Variants in ADGRD1 observed in about 807,000 individuals in gnomAD.
The protein encoded by ADGRD1 is G-protein coupled receptor 133.
Under a neutral mutation model 113.4 loss-of-function variants are expected in ADGRD1, and 77 were observed. The ratio of observed to expected loss-of-function variants is 0.68; its 90% confidence interval spans 0.57 to 0.82. ADGRD1 has a LOEUF of 0.82. Ranked by LOEUF, ADGRD1 falls within the 40% of genes least tolerant of loss-of-function variation. ADGRD1 has a pLI of 0.00. For synonymous variants in ADGRD1, 474 were observed against 475.0 expected (o/e 1.00, Z 0.03); for missense variants, 1,036 against 1,139.1 (o/e 0.91, Z 1.30).
At position 131,032,598 on chromosome 12, in the gene ADGRD1, C is replaced by T. The variant is rs369038726; in HGVS notation, c.1473+18258C>T. ...TCCACGTGGTTGCTCACTGTGCTTC[C>T]TCCAGGGCCCCTCTGCTTCCTCTCC... is the stretch of plus-strand genomic sequence containing the variant. On this transcript the variant is annotated intron_variant, in intron 13 of 24. Coordinates refer to ENST00000261654, the MANE Select transcript of ADGRD1 (RefSeq NM_198827.5). Among the ~76,000 whole-genome samples the T allele has an allele frequency of 3.5e-4, 54 of 152,344 alleles. 1 individual carries two copies. In the South Asian group the frequency reaches 0.011, roughly 30 times the overall value.
chr12:131,123,946 C>CA (rs1950674225), intron 20 of ADGRD1, among the ~76,000 whole-genome samples: 1 of 152,218 alleles, frequency 6.6e-6, no homozygotes, highest in South Asian at 2.1e-4. Flanking sequence ...CATTGATTTG[C>CA]ACATTGTCTG....
At chr12:131,062,200 G>A (rs1260468817) in intron 13 of ADGRD1, among the ~76,000 whole-genome samples, 3 of 151,994 alleles carry the variant, frequency 2.0e-5, no homozygotes, top group African/African-American at 7.3e-5. Flanking sequence ...TTTCACTGTT[G>A]GCCAGGCTGG....
intron 15 of ADGRD1, among the ~76,000 whole-genome samples, chr12:131,090,098 T>TC (rs1343033761): frequency 6.6e-6 from 1 of 152,182 alleles, no homozygotes; most frequent in Non-Finnish European, 1.5e-5. Flanking sequence ...ACGGTCTCGA[T>TC]CCGTCACCGT....
intron 21 of ADGRD1, among the ~76,000 whole-genome samples, chr12:131,135,717 C>T (rs1422307982): frequency 2.6e-5 from 4 of 152,230 alleles, no homozygotes; most frequent in African/African-American, 9.6e-5. Flanking sequence ...CCTGGTTCCT[C>T]CTCATCTTTG....
At chr12:131,117,033 T>G (rs1210106483) in intron 18 of ADGRD1, among the ~76,000 whole-genome samples, 1 of 152,210 alleles carries the variant, frequency 6.6e-6, no homozygotes, top group Non-Finnish European at 1.5e-5. Context: ...GATCTTCCTT[T>G]TGGAGAGTCA....
intron 4 of ADGRD1, among the ~76,000 whole-genome samples, chr12:130,979,817 TCACACACACACACACACA>T (rs10526212): frequency 8.5e-4 from 46 of 53,936 alleles, no homozygotes; most frequent in Admixed American, 1.7e-3. Flanking sequence ...AGCTAGTGTC[TCACACACACACACACACA>T]CACACACACA....
chr12:130,982,900 A>G (rs61527863), intron 5 of ADGRD1, among the ~76,000 whole-genome samples: 2,268 of 152,320 alleles, frequency 0.015, 51 homozygotes, highest in African/African-American at 0.052. Context: ...CTGGAGCCCA[A>G]CAAGGGAAGG....
At chr12:131,014,581 G>A (rs1878342364) in intron 13 of ADGRD1, among the ~76,000 whole-genome samples, 1 of 152,194 alleles carries the variant, frequency 6.6e-6, no homozygotes, top group Admixed American at 6.5e-5. Context: ...AGGCGTCGAG[G>A]TGGCTCTCCT....
chr12:131,071,945 G>A (rs993202439), intron 13 of ADGRD1, among the ~76,000 whole-genome samples: 4 of 150,872 alleles, frequency 2.7e-5, no homozygotes, highest in South Asian at 2.2e-4. Context: ...TTCGTGTGCC[G>A]CGCTTTCCAC....
chr12:131,108,838 G>C lies in ADGRD1; in HGVS notation c.2002G>C (p.Glu668Gln). The change falls in exon 18 of 25, where the codon GAG (glutamate) becomes CAG (glutamine). Residue 668 changes from glutamate to glutamine, a missense_variant. Glu to Gln is a conservative substitution (Grantham distance 29, BLOSUM62 2). Transcript: ENST00000261654. ...CATGGTGATCAAGGTCTTTGGGTCG[G>C]AGGACAGCAAGCACCGTTACTACTA... Reference protein sequence around the residue: ...YSMVIKVFGSEDSKHRYYYGM... With the variant: ...YSMVIKVFGSQDSKHRYYYGM... The C allele has an allele frequency of 6.2e-7, 1 of 1,612,368 alleles. No homozygotes were observed. The highest frequency in any genetic ancestry group is 8.5e-7 in the Non-Finnish European group (1 of 1,179,180).
chr12:131,005,378 C>T (rs551278458), intron 11 of ADGRD1, among the ~76,000 whole-genome samples: 65 of 152,328 alleles, frequency 4.3e-4, no homozygotes, highest in African/African-American at 1.4e-3. Flanking sequence ...CTGGCAGAGC[C>T]GTGGCCGAGC....
Position 131,129,468 on chromosome 12 carries a change from G to A in ADGRD1, c.2176-2257G>A, listed in dbSNP as rs865846738. On this transcript the variant is annotated intron_variant, in intron 20 of 24. Transcript: ENST00000261654. ...TGTGACAGGCCCGCCCTGCTGTCTG[G>A]GTGTGAGTGACAGCCCCGCCCTGCT... Among the ~76,000 whole-genome samples, 673 of 136,300 alleles carry A rather than the reference G, an allele frequency of 4.9e-3. 1 individual carries two copies. The highest frequency in any genetic ancestry group is 0.021 in the African/African-American group (631 of 30,328). The allele number at this position is 136,300 out of a possible 152,430, so 89.4% of individuals were successfully genotyped here. A position where few individuals can be genotyped will look rare whatever the true frequency, so the allele number is the denominator to read the frequency against.
intron 12 of ADGRD1, among the ~76,000 whole-genome samples, chr12:131,008,686 G>A (rs942200824): frequency 1.3e-5 from 2 of 152,188 alleles, no homozygotes; most frequent in South Asian, 2.1e-4. Context: ...GCCTGGCCCC[G>A]CAATGATGGA....
At chr12:131,009,514 A>G (rs921645577) in intron 12 of ADGRD1, among the ~76,000 whole-genome samples, 1 of 152,150 alleles carries the variant, frequency 6.6e-6, no homozygotes, top group African/African-American at 2.4e-5. Context: ...GAGTGTGATC[A>G]TTGTTTGATG....
chr12:131,133,721 T>C lies in ADGRD1; in HGVS notation c.2267+1905T>C, dbSNP rs115627585. Reference sequence around the variant, plus strand: ...GGCCAGGTCTGCCCCTCAGGGATGCTTCCTCACAATCTTCTTAGTGTGGAT... The same window carrying C: ...GGCCAGGTCTGCCCCTCAGGGATGCCTCCTCACAATCTTCTTAGTGTGGAT... On this transcript the variant is annotated intron_variant, in intron 21 of 24. Coordinates refer to ENST00000261654, the MANE Select transcript of ADGRD1 (RefSeq NM_198827.5). 4.6e-3 allele frequency among the ~76,000 whole-genome samples: 694 copies of C among 152,324 alleles called. 3 individuals carry two copies. Among genetic ancestry groups the C allele is most frequent in the African/African-American group, 0.016 (647 of 41,570 alleles).
Position 131,027,396 on chromosome 12 carries a change from TCC to T in ADGRD1, c.1473+13057_1473+13058del, listed in dbSNP as rs1880087813. The T allele has an allele frequency of 6.6e-6, 1 of 152,174 alleles. No homozygotes were observed. Among genetic ancestry groups the T allele is most frequent in the East Asian group, 1.9e-4 (1 of 5,190 alleles). The allele number at this position is 152,174 out of a possible 1,614,324, so 9.4% of individuals were successfully genotyped here. The stretch of plus-strand genomic sequence containing the variant: ...TTTTTAAATTTACCATGTCTATATT[TCC>T]GTGCCAGTAGCTCAGACTGTATCAT... On this transcript the variant is annotated intron_variant, in intron 13 of 24. Transcript: ENST00000261654. The surrounding 1 kb of genome is among the most constrained non-coding windows in gnomAD (Gnocchi z 5.1).
chr12:131,131,590 C>T, intron 20 of ADGRD1, 135 bp from the exon 21 acceptor site: 1 of 633,428 alleles, frequency 1.6e-6, no homozygotes, highest in Admixed American at 3.0e-5. Context: ...AGATTTGTCC[C>T]AGTGATGCCC....
In ADGRD1 at chr12:131,136,085, G is replaced by T. The variant is rs774051747; in HGVS notation, c.2316G>T (p.Ser772=). The change falls in exon 22 of 25, where the codon TCG becomes TCT. Residue 772 remains serine (S), a synonymous_variant. Transcript: ENST00000261654. ...TGCTGCTGCCCATCCTGGGTACCTC[G>T]TGGGTCTTTGGCGTGCTTGCTGTCA... The part of the protein sequence containing the change: ...VAVLLPILGT[S]WVFGVLAVNG... 6.2e-7 allele frequency: 1 copy of T among 1,614,194 alleles called. No homozygotes were observed. The highest frequency in any genetic ancestry group is 8.5e-7 in the Non-Finnish European group (1 of 1,180,024).
intron 20 of ADGRD1, among the ~76,000 whole-genome samples, chr12:131,122,499 C>T (rs1363526930): frequency 2.6e-5 from 4 of 152,132 alleles, no homozygotes; most frequent in Non-Finnish European, 2.9e-5. Flanking sequence ...GAGAGGTCCC[C>T]GCGCTCTCTG....
Sources: gnomAD v4.1 joint callset for allele counts (sites outside exome capture counted in the v4.1 genomes callset) on GRCh38, gnomAD v4.1.1 for gene constraint, Gnocchi (gnomAD v3.1) non-coding constraint, MANE v1.5 for transcripts, NCBI Gene and HGNC (gene_info 2026-07-23, HGNC 2026-07-21) for gene names.